The following SGPP2 variants were observed in gnomAD, a reference collection of about 807,000 sequenced individuals.
The protein encoded by SGPP2 is sphingosine-1-phosphate phosphatase 2.
SGPP2 carries 30 observed loss-of-function variants against 33.9 expected under a neutral mutation model. The ratio of observed to expected loss-of-function variants is 0.89; its 90% confidence interval spans 0.66 to 1.20. SGPP2 has a LOEUF of 1.20. Among genes scored for constraint, SGPP2 ranks in the 50% most tolerant of loss-of-function variants. The pLI, the probability that SGPP2 is intolerant of heterozygous loss-of-function variation, is 0.00. For synonymous variants in SGPP2, 233 were observed against 225.0 expected, an observed-to-expected ratio of 1.04 and a Z score of -0.32; for missense variants, 458 against 532.1, an observed-to-expected ratio of 0.86 and a Z score of 1.37.
chr2:222,426,422 G>A (rs6436317), intron 1 of SGPP2, among the ~76,000 whole-genome samples: 117,241 of 152,102 alleles, frequency 0.77, 45,319 homozygotes, highest in Middle Eastern at 0.9. Flanking sequence ...TTCCACCAGT[G>A]CTTCTCAAAC....
chr2:222,465,331 T>C lies in SGPP2; in HGVS notation c.220-9237T>C, dbSNP rs1220395464. On this transcript the variant is annotated intron_variant, in intron 1 of 4. Coordinates refer to ENST00000321276, the MANE Select transcript of SGPP2 (RefSeq NM_152386.4). This position sits in a 1 kb window ranked among gnomAD's most constrained non-coding sequence, Gnocchi z 4.1. ...CCTCGTGCATTTTTGTTCCTTCTGT[T>C]TTCTCCTTCAAGGGACACTGTCAGT... Among the ~76,000 whole-genome samples the C allele has an allele frequency of 6.6e-6, 1 of 152,210 alleles. No individual in the cohort carries two copies. The highest frequency in any genetic ancestry group is 1.5e-5 in the Non-Finnish European group (1 of 68,034).
intron 4 of SGPP2, 126 bp downstream of exon 4, chr2:222,525,159 C>A: frequency 3.1e-6 from 2 of 642,396 alleles, no homozygotes; most frequent in Non-Finnish European, 5.4e-6. Flanking sequence ...CTCATCATGC[C>A]AATGCATTAA....
intron 4 of SGPP2, among the ~76,000 whole-genome samples, chr2:222,551,679 T>C (rs1308182799): frequency 6.6e-6 from 1 of 152,230 alleles, no homozygotes; most frequent in Non-Finnish European, 1.5e-5. Flanking sequence ...AAATTACTTT[T>C]GCCTCAAATG....
At chr2:222,547,556 AC>A (rs932004021) in intron 4 of SGPP2, among the ~76,000 whole-genome samples, 27 of 152,308 alleles carry the variant, frequency 1.8e-4, no homozygotes, top group African/African-American at 4.8e-5. Flanking sequence ...TATATGGTAT[AC>A]TCAAATACTT....
chr2:222,554,544 T>C (rs1689354570), intron 4 of SGPP2, among the ~76,000 whole-genome samples: 1 of 152,232 alleles, frequency 6.6e-6, no homozygotes, highest in Non-Finnish European at 1.5e-5. Context: ...GTGTAATTTT[T>C]AAAGCTATTG....
intron 1 of SGPP2, among the ~76,000 whole-genome samples, chr2:222,461,076 G>T (rs377520700): frequency 6.6e-6 from 1 of 152,048 alleles, no homozygotes. Context: ...TCTTTTTACC[G>T]TCTTTCTCTC....
At chr2:222,532,431 A>G (rs368385566) in intron 4 of SGPP2, among the ~76,000 whole-genome samples, 1 of 152,176 alleles carries the variant, frequency 6.6e-6, no homozygotes, top group South Asian at 2.1e-4. Context: ...TGCCCCTGTC[A>G]AGGCTTTGCT....
At position 222,472,745 on chromosome 2, in the gene SGPP2, C is replaced by T. The variant is rs370818533; in HGVS notation, c.220-1823C>T. 5.6e-4 allele frequency among the ~76,000 whole-genome samples: 86 copies of T among 152,296 alleles called. No individual in the cohort carries two copies. In the East Asian group the frequency reaches 5.8e-3, roughly 10 times the overall value. On this transcript the variant is annotated intron_variant, in intron 1 of 4. Coordinates refer to ENST00000321276, the MANE Select transcript of SGPP2 (RefSeq NM_152386.4). ...GACCAGTTTTAGGGAGGGACTATTACCATCCTTGCTTCAAAGTTAAACTAA... is the reference window on the plus strand; with the variant it reads ...GACCAGTTTTAGGGAGGGACTATTATCATCCTTGCTTCAAAGTTAAACTAA...
At position 222,476,937 on chromosome 2, in the gene SGPP2, AGGT is replaced by A. The variant is rs1174849469; in HGVS notation, c.378+2213_378+2215del. On this transcript the variant is annotated intron_variant, in intron 2 of 4. Transcript: ENST00000321276. This position sits in a 1 kb window ranked among gnomAD's most constrained non-coding sequence, Gnocchi z 4.3. ...TGTATATATGTGTATTGGAGTATAT[AGGT>A]GTGTATGTATGTATGTATAGTGTGT... 2.6e-5 allele frequency among the ~76,000 whole-genome samples: 4 copies of A among 151,236 alleles called. No homozygotes were observed. Among genetic ancestry groups the A allele is most frequent in the Non-Finnish European group, 4.4e-5 (3 of 67,856 alleles).
upstream of SGPP2, chr2:222,424,504 G>C (rs371982679): frequency 1.9e-3 from 1,631 of 863,440 alleles, 4 homozygotes; most frequent in South Asian, 0.013. Flanking sequence ...GCCTCCGCCC[G>C]GAGTGCGGGA....
intron 1 of SGPP2, among the ~76,000 whole-genome samples, chr2:222,474,240 A>T (rs1474039146): frequency 2.6e-5 from 4 of 152,244 alleles, no homozygotes; most frequent in South Asian, 4.1e-4. Context: ...GCAGAGACCC[A>T]TATAATGTCC....
intron 1 of SGPP2, among the ~76,000 whole-genome samples, chr2:222,427,201 T>C (rs967257475): frequency 6.6e-6 from 1 of 152,222 alleles, no homozygotes; most frequent in Non-Finnish European, 1.5e-5. Context: ...GCCTGGCACG[T>C]AGGAGGGACT....
chr2:222,513,261 T>C (rs552021033), intron 2 of SGPP2, among the ~76,000 whole-genome samples: 1 of 152,356 alleles, frequency 6.6e-6, no homozygotes, highest in Admixed American at 6.5e-5. Context: ...TTTTTAAATC[T>C]TAGACAAAGC....
At chr2:222,488,778 AG>A (rs763531235) in intron 2 of SGPP2, among the ~76,000 whole-genome samples, 1 of 152,214 alleles carries the variant, frequency 6.6e-6, no homozygotes, top group Non-Finnish European at 1.5e-5. Flanking sequence ...GTACAAACAT[AG>A]ACACACATAT....
intron 1 of SGPP2, among the ~76,000 whole-genome samples, chr2:222,472,297 GTT>G: frequency 6.6e-6 from 1 of 152,110 alleles, no homozygotes; most frequent in African/African-American, 2.4e-5. Flanking sequence ...ACTGAGGCAG[GTT>G]GTATTGCAGT....
intron 4 of SGPP2, among the ~76,000 whole-genome samples, chr2:222,542,897 C>T (rs1699019140): frequency 6.6e-6 from 1 of 151,824 alleles, no homozygotes; most frequent in Admixed American, 6.6e-5. Flanking sequence ...TCAAGCAATC[C>T]TCCCACCTCA....
intron 4 of SGPP2, among the ~76,000 whole-genome samples, chr2:222,553,193 T>C (rs1689326892): frequency 6.6e-6 from 1 of 152,136 alleles, no homozygotes. Flanking sequence ...GAGAGAAAGG[T>C]TGGTTCCAAC....
At chr2:222,473,739 A>T (rs1217154304) in intron 1 of SGPP2, among the ~76,000 whole-genome samples, 1 of 152,146 alleles carries the variant, frequency 6.6e-6, no homozygotes, top group East Asian at 1.9e-4. Flanking sequence ...AGCCTGACCA[A>T]CATGGAGAAA....
intron 1 of SGPP2, among the ~76,000 whole-genome samples, chr2:222,435,458 ACACT>A (rs1697225490): frequency 1.3e-5 from 2 of 152,138 alleles, no homozygotes; most frequent in Non-Finnish European, 2.9e-5. Flanking sequence ...AATCAAGTTG[ACACT>A]CAGTATTAAC....
Sources: gnomAD v4.1 joint callset for allele counts (sites outside exome capture counted in the v4.1 genomes callset) on GRCh38, gnomAD v4.1.1 for gene constraint, Gnocchi (gnomAD v3.1) non-coding constraint, MANE v1.5 for transcripts, NCBI Gene and HGNC (gene_info 2026-07-23, HGNC 2026-07-21) for gene names.